The following TRMT11 variants were observed in gnomAD, a reference collection of about 807,000 sequenced individuals.
TRMT11 encodes the protein tRNA methyltransferase 11, also known as tRNA (guanine(10)-N(2))-methyltransferase TRMT11.
Under a neutral mutation model 62.8 loss-of-function variants are expected in TRMT11, and 53 were observed. The observed-to-expected ratio is 0.84, with a 90% confidence interval of 0.68 to 1.06. The LOEUF (loss-of-function observed/expected upper bound fraction) is 1.06. Ranked by LOEUF, TRMT11 falls within the 50% of genes least tolerant of loss-of-function variation. The pLI, the probability that TRMT11 is intolerant of heterozygous loss-of-function variation, is 0.00. For synonymous variants in TRMT11, 188 were observed against 190.3 expected (o/e 0.99, Z 0.10); for missense variants, 556 against 553.4 (o/e 1.00, Z -0.05).
At chr6:126,269,786 C>A in the TRMT11 span, among the ~76,000 whole-genome samples, 1 of 152,000 alleles carries the variant, frequency 6.6e-6, no homozygotes, top group Non-Finnish European at 1.5e-5. Flanking sequence ...AGAGAAAAAA[C>A]CAAAGTATTA....
chr6:126,092,456 A>G (rs1047355965), intron 17 of TRMT11, among the ~76,000 whole-genome samples: 2 of 152,188 alleles, frequency 1.3e-5, no homozygotes, highest in Non-Finnish European at 2.9e-5. Context: ...ATGCACTACC[A>G]TGAGAACAGT....
intron 17 of TRMT11, among the ~76,000 whole-genome samples, chr6:126,099,800 A>G (rs1777378280): frequency 6.6e-6 from 1 of 152,234 alleles, no homozygotes. Flanking sequence ...TGTTATTTTT[A>G]TTTTTTAAAT....
At chr6:126,071,928 A>G (rs924852169) in intron 17 of TRMT11, among the ~76,000 whole-genome samples, 2 of 152,156 alleles carry the variant, frequency 1.3e-5, no homozygotes, top group Admixed American at 6.5e-5. Flanking sequence ...TAGGTCTTGG[A>G]TGGAGCCAGA....
intron 1 of TRMT11, among the ~76,000 whole-genome samples, chr6:125,993,372 G>T (rs1212054442): frequency 6.6e-6 from 1 of 152,168 alleles, no homozygotes; most frequent in African/African-American, 2.4e-5. Context: ...ATAGTGGTAT[G>T]CCCTGGCTGA....
At chr6:126,240,812 G>A in the TRMT11 span, among the ~76,000 whole-genome samples, 3 of 152,252 alleles carry the variant, frequency 2.0e-5, no homozygotes, top group African/African-American at 4.8e-5. Flanking sequence ...CAGAGGCGGA[G>A]TCTACAGAGG....
chr6:126,129,917 A>G (rs1777762046), intron 21 of TRMT11, among the ~76,000 whole-genome samples: 1 of 152,004 alleles, frequency 6.6e-6, no homozygotes, highest in African/African-American at 2.4e-5. Context: ...TCCTGTGTTG[A>G]GGGACCATGT....
intron 16 of TRMT11, among the ~76,000 whole-genome samples, chr6:126,052,117 T>G (rs999727425): frequency 2.2e-4 from 34 of 152,212 alleles, no homozygotes; most frequent in African/African-American, 8.2e-4. Flanking sequence ...TTCTCCACTG[T>G]GCCACTTGAA....
intron 21 of TRMT11, among the ~76,000 whole-genome samples, chr6:126,132,796 A>G (rs190808567): frequency 7.9e-5 from 12 of 152,152 alleles, no homozygotes; most frequent in Admixed American, 2.0e-4. Context: ...TATAAAATCC[A>G]TATGTTTTAG....
At chr6:126,206,070 T>C (rs1778789329), downstream of TRMT11, among the ~76,000 whole-genome samples, 1 of 152,210 alleles carries the variant, frequency 6.6e-6, no homozygotes, top group Non-Finnish European at 1.5e-5. Flanking sequence ...ATGGCCACTG[T>C]TTTTCTTTTT....
At chr6:126,044,934 C>T (rs1776004101) in intron 16 of TRMT11, among the ~76,000 whole-genome samples, 1 of 152,080 alleles carries the variant, frequency 6.6e-6, no homozygotes, top group Non-Finnish European at 1.5e-5. Context: ...GCCTGTAATC[C>T]CAGCATTTTG....
Position 125,998,266 on chromosome 6 carries a change from A to C in TRMT11, c.338A>C (p.His113Pro). Reference protein sequence around the residue: ...HSDSTYKIKIHTFNKTLTQEE... With the variant: ...HSDSTYKIKIPTFNKTLTQEE... The stretch of plus-strand genomic sequence containing the variant: ...GACTCTACATATAAAATAAAGATTC[A>C]CACTTTTAATAAGACATTGACACAA... The change falls in exon 5 of 13, where the codon CAC (histidine) becomes CCC (proline). Residue 113 changes from histidine (H) to proline (P), a missense_variant. By Grantham distance (77) the His-to-Pro change is moderately conservative. Transcript: ENST00000334379. 6.2e-7 allele frequency: 1 copy of C among 1,603,068 alleles called. No homozygotes were observed. Among genetic ancestry groups the C allele is most frequent in the Non-Finnish European group, 8.5e-7 (1 of 1,170,824 alleles).
the TRMT11 span, among the ~76,000 whole-genome samples, chr6:126,251,491 C>T: frequency 1.3e-5 from 2 of 152,128 alleles, no homozygotes; most frequent in Non-Finnish European, 2.9e-5. Context: ...TTAAAATTCA[C>T]ACTTTTAATA....
At chr6:125,988,680 G>A (rs1253308797) in intron 1 of TRMT11, among the ~76,000 whole-genome samples, 1 of 152,154 alleles carries the variant, frequency 6.6e-6, no homozygotes, top group Non-Finnish European at 1.5e-5. Flanking sequence ...AGACCAAAGG[G>A]GAGAGTTGAC....
intron 21 of TRMT11, among the ~76,000 whole-genome samples, chr6:126,155,631 G>A (rs1339915633): frequency 1.3e-5 from 2 of 152,316 alleles, no homozygotes. Context: ...CAGTCATGGA[G>A]TACACATTCT....
At chr6:126,121,578 T>C (rs895372013) in intron 21 of TRMT11, among the ~76,000 whole-genome samples, 1 of 152,100 alleles carries the variant, frequency 6.6e-6, no homozygotes, top group African/African-American at 2.4e-5. Context: ...CTTCTTCAAG[T>C]TTAGTTTCCT....
chr6:125,987,896 T>C (rs543513485), intron 1 of TRMT11, among the ~76,000 whole-genome samples: 1 of 152,336 alleles, frequency 6.6e-6, no homozygotes, highest in African/African-American at 2.4e-5. Flanking sequence ...TATATGAATA[T>C]GCATAGAGTA....
At chr6:126,246,551 C>T in the TRMT11 span, among the ~76,000 whole-genome samples, 1 of 151,944 alleles carries the variant, frequency 6.6e-6, no homozygotes, top group African/African-American at 2.4e-5. Flanking sequence ...TAGCTGCATC[C>T]ACGGAAGTGA....
chr6:126,221,792 ATAAAC>A, the TRMT11 span, among the ~76,000 whole-genome samples: 1 of 152,188 alleles, frequency 6.6e-6, no homozygotes, highest in African/African-American at 2.4e-5. Context: ...CTTTTGCTGC[ATAAAC>A]TAAACTGTTT....
chr6:126,181,790 C>G (rs1778470325), intron 1 of TRMT11, among the ~76,000 whole-genome samples: 5 of 152,288 alleles, frequency 3.3e-5, no homozygotes, highest in Admixed American at 3.3e-4. Context: ...GGCCTGTTTT[C>G]AGGAGAGCTG....
Sources: allele counts gnomAD v4.1 joint callset (sites outside exome capture counted in the v4.1 genomes callset), GRCh38; gene constraint gnomAD v4.1.1; transcripts MANE v1.5; gene names NCBI Gene and HGNC (gene_info 2026-07-23, HGNC 2026-07-21).